Variants in ZFPM2 observed in about 807,000 individuals in gnomAD.
The protein encoded by ZFPM2 is zinc finger protein ZFPM2.
A neutral mutation model predicts 98.6 loss-of-function variants in ZFPM2; 20 were observed. The observed-to-expected ratio is 0.20, with a 90% CI of 0.14 to 0.29. ZFPM2 has a LOEUF of 0.29. Ranked by LOEUF, ZFPM2 falls within the 10% of genes least tolerant of loss-of-function variation. The pLI is 1.00. For synonymous variants in ZFPM2, 518 were observed against 502.7 expected, an observed-to-expected ratio of 1.03 and a Z score of -0.41; for missense variants, 1,310 against 1,388.6, an observed-to-expected ratio of 0.94 and a Z score of 0.90.
chr8:105,458,335 C>T (rs2130288931), intron 3 of ZFPM2, among the ~76,000 whole-genome samples: 1 of 152,076 alleles, frequency 6.6e-6, no homozygotes, highest in East Asian at 1.9e-4. Context: ...TCAAAGATTC[C>T]TTTTTGTTTT....
chr8:105,571,639 C>T (rs1815356312), intron 4 of ZFPM2, among the ~76,000 whole-genome samples: 1 of 152,110 alleles, frequency 6.6e-6, no homozygotes, highest in African/African-American at 2.4e-5. Flanking sequence ...AAATATTGTG[C>T]CAGCATTATG....
chr8:105,321,311 G>A (rs1010849288), intron 1 of ZFPM2, among the ~76,000 whole-genome samples: 9 of 152,138 alleles, frequency 5.9e-5, no homozygotes, highest in South Asian at 4.1e-4. Flanking sequence ...TTAGTAGTGC[G>A]TAAGAAGTGC....
intron 2 of ZFPM2, among the ~76,000 whole-genome samples, chr8:105,425,856 C>T (rs1200479813): frequency 1.3e-5 from 2 of 152,148 alleles, no homozygotes; most frequent in African/African-American, 2.4e-5. Context: ...CTTTTTTTAA[C>T]TGTATCTTTA....
At chr8:105,612,537 C>A (rs1180425827) in intron 4 of ZFPM2, among the ~76,000 whole-genome samples, 1 of 152,180 alleles carries the variant, frequency 6.6e-6, no homozygotes, top group Non-Finnish European at 1.5e-5. Context: ...TGTATTTAAT[C>A]ATTTCACACA....
intron 1 of ZFPM2, among the ~76,000 whole-genome samples, chr8:105,413,218 G>T (rs1426930020): frequency 5.9e-5 from 9 of 151,646 alleles, no homozygotes; most frequent in Non-Finnish European, 1.0e-4. Context: ...AGATTGTTAG[G>T]CAAGGAGTCA....
At chr8:105,743,253 T>A (rs1812262966) in intron 5 of ZFPM2, among the ~76,000 whole-genome samples, 1 of 151,508 alleles carries the variant, frequency 6.6e-6, no homozygotes, top group South Asian at 2.1e-4. Context: ...TCCCTTTGAG[T>A]GATAGTGGAA....
At chr8:105,733,002 T>A (rs192899168) in intron 5 of ZFPM2, among the ~76,000 whole-genome samples, 12 of 151,978 alleles carry the variant, frequency 7.9e-5, no homozygotes, top group African/African-American at 2.4e-4. Context: ...CATATAGAAT[T>A]TATACACAAA....
intron 1 of ZFPM2, among the ~76,000 whole-genome samples, chr8:105,371,906 G>A (rs562898345): frequency 1.3e-4 from 19 of 151,922 alleles, no homozygotes; most frequent in Admixed American, 3.3e-4. Context: ...ATAGAATGTC[G>A]TTTTTCTCAG....
intron 3 of ZFPM2, among the ~76,000 whole-genome samples, chr8:105,509,346 G>C (rs767997884): frequency 6.6e-6 from 1 of 152,124 alleles, no homozygotes; most frequent in Non-Finnish European, 1.5e-5. Flanking sequence ...CTCCCAGAAA[G>C]GGAGACTTTC....
chr8:105,531,830 A>G (rs1814303645), intron 3 of ZFPM2, among the ~76,000 whole-genome samples: 1 of 152,164 alleles, frequency 6.6e-6, no homozygotes, highest in Non-Finnish European at 1.5e-5. Flanking sequence ...TAAAAATGAA[A>G]CAAAGAACTT....
intron 3 of ZFPM2, among the ~76,000 whole-genome samples, chr8:105,538,009 T>C (rs536346032): frequency 2.3e-4 from 35 of 152,254 alleles, no homozygotes; most frequent in African/African-American, 8.2e-4. Flanking sequence ...AATATCTTTT[T>C]TACAGGCTCC....
At chr8:105,762,013 A>G (rs1313250218) in intron 5 of ZFPM2, among the ~76,000 whole-genome samples, 1 of 151,958 alleles carries the variant, frequency 6.6e-6, no homozygotes, top group Non-Finnish European at 1.5e-5. Context: ...TAAAACATAT[A>G]TGTATTATAT....
At chr8:105,651,140 G>C (rs1817164722) in intron 5 of ZFPM2, among the ~76,000 whole-genome samples, 1 of 151,964 alleles carries the variant, frequency 6.6e-6, no homozygotes, top group South Asian at 2.1e-4. Context: ...ATATATAACT[G>C]TACATCCACT....
In ZFPM2 at chr8:105,414,238, G is replaced by A. The variant is rs543453349; in HGVS notation, c.41-4906G>A. 3.7e-4 allele frequency among the ~76,000 whole-genome samples: 57 copies of A among 152,070 alleles called. 1 individual carries two copies. The highest frequency in any genetic ancestry group is 1.4e-3 in the African/African-American group (57 of 41,520). ...ATGCCAATAACTGTTTAAGAGAGAA[G>A]ATCCCTTTTGGGGGATATTATATCA... On this transcript the variant is annotated intron_variant, in intron 1 of 7. Transcript: ENST00000407775.
At chr8:105,743,481 A>G (rs546953339) in intron 5 of ZFPM2, among the ~76,000 whole-genome samples, 1 of 151,928 alleles carries the variant, frequency 6.6e-6, no homozygotes, top group African/African-American at 2.4e-5. Context: ...AATAGTGTGG[A>G]CTCACCAGGT....
chr8:105,536,113 G>A (rs550474272), intron 3 of ZFPM2, among the ~76,000 whole-genome samples: 1 of 152,248 alleles, frequency 6.6e-6, no homozygotes, highest in African/African-American at 2.4e-5. Context: ...AAAATTCTAT[G>A]TAATAATAGA....
intron 3 of ZFPM2, among the ~76,000 whole-genome samples, chr8:105,465,394 T>G (rs541701811): frequency 3.2e-4 from 48 of 152,100 alleles, no homozygotes; most frequent in African/African-American, 1.0e-3. Context: ...TCTGTAACTG[T>G]CTATATATAT....
At chr8:105,512,135 ACT>A (rs1306634272) in intron 3 of ZFPM2, among the ~76,000 whole-genome samples, 1 of 152,242 alleles carries the variant, frequency 6.6e-6, no homozygotes, top group East Asian at 1.9e-4. Flanking sequence ...ACAGAGCAAG[ACT>A]CTGTCTCAAG....
chr8:105,538,016 C>G (rs1257942567), intron 3 of ZFPM2, among the ~76,000 whole-genome samples: 2 of 152,116 alleles, frequency 1.3e-5, no homozygotes, highest in African/African-American at 4.8e-5. Flanking sequence ...TTTTTACAGG[C>G]TCCATATTGA....
Sources: allele counts gnomAD v4.1 joint callset (sites outside exome capture counted in the v4.1 genomes callset), GRCh38; gene constraint gnomAD v4.1.1; transcripts MANE v1.5; gene names NCBI Gene and HGNC (gene_info 2026-07-23, HGNC 2026-07-21).